The following LIMCH1 variants were observed in gnomAD, a reference collection of about 807,000 sequenced individuals.
LIMCH1 encodes the protein LIM and calponin homology domains-containing protein 1.
LIMCH1 carries 113 observed loss-of-function variants against 176.5 expected under a neutral mutation model. The observed-to-expected ratio is 0.64, with a 90% CI of 0.55 to 0.75. The LOEUF (loss-of-function observed/expected upper bound fraction) is 0.75, where lower values mean the gene tolerates loss of function less well. LIMCH1 is among the 30% of genes least tolerant of loss of function. The pLI is 0.00. For synonymous variants in LIMCH1, 619 were observed against 645.9 expected (o/e 0.96, Z 0.63); for missense variants, 1,674 against 1,814.9 (o/e 0.92, Z 1.41).
chr4:41,436,800 G>GA (rs33940518), intron 1 of LIMCH1, among the ~76,000 whole-genome samples: 3 of 150,632 alleles, frequency 2.0e-5, no homozygotes, highest in Non-Finnish European at 4.4e-5. Flanking sequence ...GGAGCTGGTT[G>GA]AAAAAAAAAA....
intron 2 of LIMCH1, among the ~76,000 whole-genome samples, chr4:41,496,657 T>C (rs2072207800): frequency 6.6e-6 from 1 of 152,172 alleles, no homozygotes; most frequent in South Asian, 2.1e-4. Context: ...TTTGTGTAAG[T>C]TGAGACTATT....
chr4:41,398,403 A>C (rs1274108491), intron 1 of LIMCH1, among the ~76,000 whole-genome samples: 1 of 152,146 alleles, frequency 6.6e-6, no homozygotes, highest in African/African-American at 2.4e-5. Flanking sequence ...TCCGTCATCC[A>C]ACTGAGTTTT....
chr4:41,526,533 C>G (rs1235434077), intron 3 of LIMCH1, among the ~76,000 whole-genome samples: 4 of 152,054 alleles, frequency 2.6e-5, no homozygotes, highest in Non-Finnish European at 5.9e-5. Flanking sequence ...CCGCAACCCC[C>G]TGTTATGTTC....
chr4:41,605,986 G>C lies in LIMCH1; in HGVS notation c.-10G>C. On this transcript the variant is annotated 5_prime_UTR_variant, in exon 4 of 32. Transcript: ENST00000503057. Reference sequence around the variant, plus strand: ...TAAACCTGAAGGAGTTTGAAGGATTGTTGGCTCAGATGCGAAAGGTAACTT... The same window carrying C: ...TAAACCTGAAGGAGTTTGAAGGATTCTTGGCTCAGATGCGAAAGGTAACTT... The C allele has an allele frequency of 6.2e-7, 1 of 1,613,216 alleles. No homozygotes were observed. The highest frequency in any genetic ancestry group is 1.1e-5 in the South Asian group (1 of 91,044).
intron 30 of LIMCH1, among the ~76,000 whole-genome samples, chr4:41,690,181 G>C (rs1724362810): frequency 6.6e-6 from 1 of 152,068 alleles, no homozygotes; most frequent in Admixed American, 6.6e-5. Flanking sequence ...GGTCCTTATA[G>C]AACCTTTCTT....
intron 1 of LIMCH1, among the ~76,000 whole-genome samples, chr4:41,442,521 A>G (rs1003605177): frequency 2.0e-5 from 3 of 152,224 alleles, no homozygotes; most frequent in African/African-American, 7.2e-5. Context: ...AATTGGGTGT[A>G]TAACCAACTA....
rs373100643 is a variant in LIMCH1, at chr4:41,619,388, C to T, written c.406C>T (p.Arg136Cys). ...GAAGAAAGCAGAGAGAGAGGAATACCGCAAGAGCTGGAGTACCGCCACCTC... is the reference window on the plus strand; with the variant it reads ...GAAGAAAGCAGAGAGAGAGGAATACTGCAAGAGCTGGAGTACCGCCACCTC... Reference protein sequence around the residue: ...RKKKAEREEYRKSWSTATSPL... With the variant: ...RKKKAEREEYCKSWSTATSPL... The change falls in exon 6 of 32, where the codon CGC becomes TGC. Residue 136 changes from arginine (R) to cysteine (C), a missense_variant. Transcript: ENST00000503057. 2.4e-5 allele frequency: 39 copies of T among 1,613,474 alleles called. No individual in the cohort carries two copies. The Middle Eastern group carries it at 4.9e-4, about 20-fold the overall frequency.
intron 1 of LIMCH1, among the ~76,000 whole-genome samples, chr4:41,425,910 T>C (rs937416574): frequency 1.3e-5 from 2 of 152,054 alleles, no homozygotes; most frequent in African/African-American, 4.8e-5. Flanking sequence ...CAGCTGAGAG[T>C]TGGATGTCTG....
chr4:41,437,248 G>A (rs1368779471), intron 1 of LIMCH1, among the ~76,000 whole-genome samples: 1 of 152,198 alleles, frequency 6.6e-6, no homozygotes. Context: ...AAGGTCCTAC[G>A]TGACCCAAGT....
intron 21 of LIMCH1, chr4:41,670,729 A>G: frequency 6.5e-7 from 1 of 1,535,842 alleles, no homozygotes; most frequent in South Asian, 1.2e-5. Context: ...GTCGCCTGGC[A>G]CTGCCAGTGT....
At chr4:41,441,933 A>C (rs2062742072) in intron 1 of LIMCH1, among the ~76,000 whole-genome samples, 1 of 152,158 alleles carries the variant, frequency 6.6e-6, no homozygotes. Context: ...CTCAGAAATG[A>C]TTTTGCTTCT....
At chr4:41,565,384 T>C (rs28460806) in intron 1 of LIMCH1, among the ~76,000 whole-genome samples, 2,928 of 100,134 alleles carry the variant, frequency 0.029, 54 homozygotes, top group African/African-American at 0.077. Context: ...CACACACACA[T>C]ACACACACAC....
chr4:41,507,690 G>A (rs1242474433), intron 2 of LIMCH1, among the ~76,000 whole-genome samples: 3 of 152,202 alleles, frequency 2.0e-5, no homozygotes, highest in Non-Finnish European at 2.9e-5. Flanking sequence ...GGGAAGGTTT[G>A]GAGTCAGGAA....
At chr4:41,465,465 T>G (rs1171256740) in intron 1 of LIMCH1, among the ~76,000 whole-genome samples, 2 of 152,220 alleles carry the variant, frequency 1.3e-5, no homozygotes, top group African/African-American at 2.4e-5. Flanking sequence ...GACCTCCTGC[T>G]ACCTCTTCTC....
intron 1 of LIMCH1, among the ~76,000 whole-genome samples, chr4:41,474,532 T>G (rs2067446640): frequency 6.6e-6 from 1 of 152,092 alleles, no homozygotes. Flanking sequence ...TAGACTATTC[T>G]CAAAAGAAGA....
intron 1 of LIMCH1, among the ~76,000 whole-genome samples, chr4:41,375,137 A>G (rs1248876755): frequency 6.6e-6 from 1 of 152,224 alleles, no homozygotes; most frequent in Non-Finnish European, 1.5e-5. Context: ...AAAATGTGGT[A>G]ATATACAAGA....
chr4:41,546,575 C>T (rs915119863), intron 1 of LIMCH1, among the ~76,000 whole-genome samples: 3 of 151,884 alleles, frequency 2.0e-5, no homozygotes, highest in Admixed American at 2.0e-4. Flanking sequence ...TTAGCCCCAT[C>T]ATTCAGTCTC....
chr4:41,525,170 A>G (rs188737989), intron 3 of LIMCH1, among the ~76,000 whole-genome samples: 9,032 of 152,290 alleles, frequency 0.059, 316 homozygotes, highest in Non-Finnish European at 0.07. Context: ...AAAAGGAAAG[A>G]AGTAGAAGAT....
intron 1 of LIMCH1, among the ~76,000 whole-genome samples, chr4:41,593,643 T>C (rs60370184): frequency 0.086 from 13,075 of 152,166 alleles, 1,814 homozygotes; most frequent in African/African-American, 0.3. Context: ...AATAAGCGAA[T>C]ACAGGGTCAT....
Sources: allele counts gnomAD v4.1 joint callset (sites outside exome capture counted in the v4.1 genomes callset), GRCh38; gene constraint gnomAD v4.1.1; transcripts MANE v1.5; gene names NCBI Gene and HGNC (gene_info 2026-07-23, HGNC 2026-07-21).